Variants in LHPP observed in about 807,000 individuals in gnomAD.
LHPP encodes hLHPP.
In LHPP, 24 loss-of-function variants were observed where a neutral mutation model predicts 30.3. That is an observed-to-expected ratio of 0.79 (90% CI 0.57 to 1.11). LHPP has a LOEUF of 1.11. Ranked by LOEUF, LHPP falls within the 50% of genes most tolerant of loss-of-function variation. The probability of loss-of-function intolerance (pLI) is 0.00; values close to 1 mark genes in which losing one functional copy is unlikely to be tolerated. For synonymous variants in LHPP, 150 were observed against 157.1 expected, an observed-to-expected ratio of 0.95 and a Z score of 0.34; for missense variants, 356 against 367.2, an observed-to-expected ratio of 0.97 and a Z score of 0.25.
Position 124,510,866 on chromosome 10 carries a change from G to A in LHPP, c.625-6314G>A, listed in dbSNP as rs1334181365. Among the ~76,000 whole-genome samples the A allele has an allele frequency of 6.6e-6, 1 of 152,202 alleles. No homozygotes were observed. ...AGAAGGGCAGAGGGGACCCGAATACGGGGGCTCTGGCCGGCCCTGCTGCCA... is the reference window on the plus strand; with the variant it reads ...AGAAGGGCAGAGGGGACCCGAATACAGGGGCTCTGGCCGGCCCTGCTGCCA... On this transcript the variant is annotated intron_variant, in intron 5 of 6. Coordinates refer to ENST00000368842, the MANE Select transcript of LHPP (RefSeq NM_022126.4). The surrounding 1 kb of genome is among the most constrained non-coding windows in gnomAD (Gnocchi z 4.0).
intron 1 of LHPP, 119 bp from the exon 2 acceptor site, chr10:124,484,020 C>A (rs1953232543): frequency 1.1e-6 from 1 of 884,014 alleles, no homozygotes; most frequent in East Asian, 2.7e-5. Flanking sequence ...CAGGGGCTCG[C>A]AGTGGCCTAG....
At chr10:124,609,898 C>T (rs570261623) in intron 6 of LHPP, among the ~76,000 whole-genome samples, 58 of 152,348 alleles carry the variant, frequency 3.8e-4, no homozygotes, top group African/African-American at 1.3e-3. Context: ...CTCCCCCTGG[C>T]GGGCATTTGT....
intron 6 of LHPP, among the ~76,000 whole-genome samples, chr10:124,608,551 G>A (rs1949125167): frequency 6.6e-6 from 1 of 152,266 alleles, no homozygotes; most frequent in African/African-American, 2.4e-5. Flanking sequence ...GTTGCCTGAG[G>A]TCACGTGGCT....
intron 6 of LHPP, among the ~76,000 whole-genome samples, chr10:124,578,002 G>A (rs1948690983): frequency 6.6e-6 from 1 of 152,156 alleles, no homozygotes; most frequent in Admixed American, 6.5e-5. Context: ...CCAAGGGCTG[G>A]AAGGACCTCT....
At chr10:124,543,875 C>T (rs532047948) in intron 6 of LHPP, among the ~76,000 whole-genome samples, 2 of 152,166 alleles carry the variant, frequency 1.3e-5, no homozygotes, top group East Asian at 3.8e-4. Flanking sequence ...CCAAAAGGAA[C>T]CACAGTTAGC....
At chr10:124,518,051 AT>A (rs1954504692) in intron 6 of LHPP, among the ~76,000 whole-genome samples, 1 of 152,120 alleles carries the variant, frequency 6.6e-6, no homozygotes, top group South Asian at 2.1e-4. Context: ...GTCCTGAGAG[AT>A]CTGCTTAGGC....
At chr10:124,584,890 A>C (rs1948783268) in intron 6 of LHPP, among the ~76,000 whole-genome samples, 2 of 145,568 alleles carry the variant, frequency 1.4e-5, no homozygotes, top group Admixed American at 1.3e-4. Flanking sequence ...GGAAAATTCC[A>C]CCCCTGTCCT....
At chr10:124,488,662 T>C in intron 3 of LHPP, 87 bp downstream of exon 3, 1 of 1,227,620 alleles carries the variant, frequency 8.1e-7, no homozygotes, top group South Asian at 1.5e-5. Flanking sequence ...CAGAGAAGGA[T>C]GCAGAAGGGG....
chr10:124,563,307 CTTTT>C (rs1554892864), intron 6 of LHPP, among the ~76,000 whole-genome samples: 7 of 26,096 alleles, frequency 2.7e-4, no homozygotes, highest in Non-Finnish European at 3.6e-4. Context: ...CTCTCTCTCT[CTTTT>C]TCTTTTTTTT....
At chr10:124,569,211 C>G (rs970537961) in intron 6 of LHPP, among the ~76,000 whole-genome samples, 1 of 152,172 alleles carries the variant, frequency 6.6e-6, no homozygotes, top group Non-Finnish European at 1.5e-5. Flanking sequence ...TTGAGGTGGC[C>G]CTGAGACTGT....
chr10:124,485,451 T>C (rs568072596), intron 2 of LHPP, among the ~76,000 whole-genome samples: 72 of 152,070 alleles, frequency 4.7e-4, no homozygotes, highest in Admixed American at 3.7e-3. Flanking sequence ...CTTCCTCAGC[T>C]GTAATCCTGC....
chr10:124,515,423 C>T (rs1227130031), intron 5 of LHPP, among the ~76,000 whole-genome samples: 3 of 152,202 alleles, frequency 2.0e-5, no homozygotes, highest in African/African-American at 7.2e-5. Context: ...TGAATGCTCT[C>T]GTCTGCTCAT....
At chr10:124,535,989 G>C (rs1339288819) in intron 6 of LHPP, among the ~76,000 whole-genome samples, 1 of 152,250 alleles carries the variant, frequency 6.6e-6, no homozygotes. Context: ...TCCCAGGCAG[G>C]ATTCCCCTGG....
At chr10:124,492,118 C>T (rs2133863799) in intron 3 of LHPP, among the ~76,000 whole-genome samples, 1 of 152,274 alleles carries the variant, frequency 6.6e-6, no homozygotes, top group African/African-American at 2.4e-5. Flanking sequence ...ACTGCAGACC[C>T]CACTCCTCCC....
intron 6 of LHPP, among the ~76,000 whole-genome samples, chr10:124,562,653 C>T (rs1331133640): frequency 4.6e-5 from 7 of 152,096 alleles, no homozygotes; most frequent in Non-Finnish European, 1.0e-4. Context: ...TAAAATAGGC[C>T]AGGCGTGGTG....
At chr10:124,574,272 G>A (rs893482480) in intron 6 of LHPP, among the ~76,000 whole-genome samples, 7 of 152,202 alleles carry the variant, frequency 4.6e-5, no homozygotes, top group South Asian at 4.1e-4. Flanking sequence ...GCGCTGAGGG[G>A]CACAGGTTTG....
chr10:124,582,102 A>T (rs1422082851), intron 6 of LHPP, among the ~76,000 whole-genome samples: 1 of 136,566 alleles, frequency 7.3e-6, no homozygotes, highest in Non-Finnish European at 1.6e-5. Flanking sequence ...TATATTTTTT[A>T]AAGTCAGGAT....
At chr10:124,533,836 C>T (rs1229456019) in intron 6 of LHPP, among the ~76,000 whole-genome samples, 2 of 152,236 alleles carry the variant, frequency 1.3e-5, no homozygotes, top group African/African-American at 4.8e-5. Context: ...GGGCCAGACC[C>T]CAAGTGTGTG....
At chr10:124,505,165 T>C (rs1389508136) in intron 5 of LHPP, among the ~76,000 whole-genome samples, 3 of 152,138 alleles carry the variant, frequency 2.0e-5, no homozygotes, top group Non-Finnish European at 4.4e-5. Flanking sequence ...ACCCTGCCAT[T>C]TTCCTAAAAT....
Sources: gnomAD v4.1 joint callset for allele counts (sites outside exome capture counted in the v4.1 genomes callset) on GRCh38, gnomAD v4.1.1 for gene constraint, Gnocchi (gnomAD v3.1) non-coding constraint, MANE v1.5 for transcripts, NCBI Gene and HGNC (gene_info 2026-07-23, HGNC 2026-07-21) for gene names.